The following ZNF385D variants were observed in gnomAD, a reference collection of about 807,000 sequenced individuals.
The protein encoded by ZNF385D is zinc finger protein 659.
Under a neutral mutation model 35.8 loss-of-function variants are expected in ZNF385D, and 15 were observed. That is an observed-to-expected ratio of 0.42 (90% CI 0.28 to 0.64). The LOEUF (loss-of-function observed/expected upper bound fraction) is 0.64. Among genes scored for constraint, ZNF385D ranks in the 30% least tolerant of loss-of-function variants. The pLI is 0.23. For synonymous variants in ZNF385D, 212 were observed against 186.8 expected (o/e 1.13, Z -1.10); for missense variants, 474 against 494.6 (o/e 0.96, Z 0.39).
At chr3:21,438,418 A>C (rs577374520) in intron 4 of ZNF385D, among the ~76,000 whole-genome samples, 38 of 152,156 alleles carry the variant, frequency 2.5e-4, no homozygotes, top group Non-Finnish European at 5.0e-4. Flanking sequence ...TCTGCAATTA[A>C]GTGTTGTCTG....
chr3:22,111,972 T>C (rs571964248), intron 3 of ZNF385D, among the ~76,000 whole-genome samples: 3 of 152,096 alleles, frequency 2.0e-5, no homozygotes, highest in Non-Finnish European at 4.4e-5. Flanking sequence ...CGTTAAAAAA[T>C]AGAAAAGTCG....
At chr3:21,812,012 C>A (rs1001279025) in intron 3 of ZNF385D, among the ~76,000 whole-genome samples, 1 of 152,038 alleles carries the variant, frequency 6.6e-6, no homozygotes. Context: ...CCAAAAAAAT[C>A]AAATTTGAAT....
At chr3:21,608,889 T>C (rs1034139149) in intron 2 of ZNF385D, among the ~76,000 whole-genome samples, 1 of 152,228 alleles carries the variant, frequency 6.6e-6, no homozygotes, top group Admixed American at 6.5e-5. Flanking sequence ...CATCCATTCT[T>C]ATATCAGTGT....
At chr3:22,140,590 G>A (rs1185918801) in intron 3 of ZNF385D, among the ~76,000 whole-genome samples, 1 of 152,140 alleles carries the variant, frequency 6.6e-6, no homozygotes, top group Non-Finnish European at 1.5e-5. Flanking sequence ...GTATACCAAA[G>A]CCAGTTTCCT....
At chr3:22,324,758 A>G (rs1250103669) in intron 2 of ZNF385D, among the ~76,000 whole-genome samples, 1 of 152,182 alleles carries the variant, frequency 6.6e-6, no homozygotes, top group African/African-American at 2.4e-5. Flanking sequence ...GCCTTCCCTC[A>G]CCACAAGTGC....
intron 3 of ZNF385D, among the ~76,000 whole-genome samples, chr3:22,074,193 A>C (rs897187367): frequency 1.3e-5 from 2 of 151,930 alleles, no homozygotes; most frequent in African/African-American, 2.4e-5. Context: ...CAGCTGTGCA[A>C]TTTGTCTGTG....
At chr3:21,553,245 A>G (rs957475621) in intron 3 of ZNF385D, among the ~76,000 whole-genome samples, 16 of 152,192 alleles carry the variant, frequency 1.1e-4, no homozygotes, top group African/African-American at 3.9e-4. Context: ...AAAGTAATAG[A>G]CATATCTCAG....
intron 2 of ZNF385D, among the ~76,000 whole-genome samples, chr3:22,237,938 G>A (rs1157418583): frequency 2.0e-5 from 3 of 150,838 alleles, no homozygotes; most frequent in African/African-American, 7.4e-5. Flanking sequence ...CACCACCCCT[G>A]GGCAAATTTA....
chr3:21,758,894 A>G (rs1456975231), intron 3 of ZNF385D, among the ~76,000 whole-genome samples: 1 of 144,548 alleles, frequency 6.9e-6, no homozygotes, highest in African/African-American at 2.6e-5. Context: ...ACACCATGTC[A>G]TAACTTTGGT....
intron 1 of ZNF385D, among the ~76,000 whole-genome samples, chr3:21,676,125 G>T (rs973863550): frequency 4.6e-5 from 7 of 152,104 alleles, no homozygotes; most frequent in African/African-American, 1.7e-4. Context: ...ATTAAGAACA[G>T]TGAATACCAC....
chr3:21,711,093 G>C (rs1054566324), intron 1 of ZNF385D, among the ~76,000 whole-genome samples: 13 of 119,780 alleles, frequency 1.1e-4, no homozygotes, highest in African/African-American at 3.6e-4. Flanking sequence ...CTAGGATGGA[G>C]TGCAGTGGCG....
At chr3:21,824,762 G>A (rs1694493052) in intron 3 of ZNF385D, among the ~76,000 whole-genome samples, 1 of 151,982 alleles carries the variant, frequency 6.6e-6, no homozygotes, top group Non-Finnish European at 1.5e-5. Flanking sequence ...ACTTAAAATG[G>A]AATAGTTTAA....
At chr3:21,945,848 A>G (rs556403370) in intron 3 of ZNF385D, among the ~76,000 whole-genome samples, 1 of 152,330 alleles carries the variant, frequency 6.6e-6, no homozygotes, top group African/African-American at 2.4e-5. Flanking sequence ...TTTATACTGG[A>G]AACATAAGTA....
chr3:21,478,047 G>A (rs1157694309), intron 4 of ZNF385D, among the ~76,000 whole-genome samples: 1 of 152,104 alleles, frequency 6.6e-6, no homozygotes, highest in African/African-American at 2.4e-5. Context: ...CATCCCTAAT[G>A]AGAATTTTGT....
At chr3:21,874,961 T>C (rs568478038) in intron 3 of ZNF385D, among the ~76,000 whole-genome samples, 13 of 150,626 alleles carry the variant, frequency 8.6e-5, no homozygotes, top group African/African-American at 3.2e-4. Flanking sequence ...ATTAAGTTTA[T>C]TCATAAGTAT....
intron 3 of ZNF385D, among the ~76,000 whole-genome samples, chr3:22,002,432 A>T (rs1695898485): frequency 6.6e-6 from 1 of 152,152 alleles, no homozygotes; most frequent in Non-Finnish European, 1.5e-5. Flanking sequence ...TTGAATTGGT[A>T]GTAAAAAGTC....
chr3:22,041,911 A>G (rs547143189), intron 3 of ZNF385D, among the ~76,000 whole-genome samples: 1 of 152,302 alleles, frequency 6.6e-6, no homozygotes, highest in East Asian at 1.9e-4. Flanking sequence ...AAAGAATTTC[A>G]TAGGGAAAGA....
At chr3:21,777,155 T>C (rs1475200975) in intron 3 of ZNF385D, among the ~76,000 whole-genome samples, 1 of 151,970 alleles carries the variant, frequency 6.6e-6, no homozygotes, top group African/African-American at 2.4e-5. Flanking sequence ...CCAGTAGGTT[T>C]TGAGGGACTA....
chr3:22,298,374 A>ATG (rs372178423), intron 2 of ZNF385D, among the ~76,000 whole-genome samples: 14,630 of 143,726 alleles, frequency 0.1, 931 homozygotes, highest in African/African-American at 0.12. Context: ...AGCAGTATGT[A>ATG]TGTGTGTGTG....
Sources: allele counts gnomAD v4.1 joint callset (sites outside exome capture counted in the v4.1 genomes callset), GRCh38; gene constraint gnomAD v4.1.1; transcripts MANE v1.5; gene names NCBI Gene and HGNC (gene_info 2026-07-23, HGNC 2026-07-21).